Variants in EVL observed in about 807,000 individuals in gnomAD.
EVL encodes ena/VASP-like protein.
In EVL, 21 loss-of-function variants were observed where a neutral mutation model predicts 59.6. The observed-to-expected ratio is 0.35, with a 90% confidence interval of 0.25 to 0.51. The LOEUF is 0.51. Ranked by LOEUF, EVL falls within the 20% of genes least tolerant of loss-of-function variation. EVL has a pLI of 0.97. For synonymous variants in EVL, 198 were observed against 203.5 expected, an observed-to-expected ratio of 0.97 and a Z score of 0.23; for missense variants, 462 against 546.6, an observed-to-expected ratio of 0.85 and a Z score of 1.54.
intron 3 of EVL, chr14:100,102,538 A>G (rs1288599607): frequency 1.6e-5 from 6 of 365,244 alleles, no homozygotes; most frequent in Non-Finnish European, 2.7e-5. Flanking sequence ...TTCTAGAGCC[A>G]TGTTGGTGGG....
intron 1 of EVL, among the ~76,000 whole-genome samples, chr14:99,985,822 T>C (rs1051620442): frequency 6.6e-6 from 1 of 152,010 alleles, no homozygotes; most frequent in Admixed American, 6.5e-5. Flanking sequence ...TACTAATTAG[T>C]GGCCCTTCTG....
chr14:100,009,764 T>G (rs2061004812), intron 1 of EVL, among the ~76,000 whole-genome samples: 1 of 152,148 alleles, frequency 6.6e-6, no homozygotes, highest in Non-Finnish European at 1.5e-5. Context: ...ACAGCTTAGT[T>G]TTATATATTT....
At chr14:100,086,115 C>T (rs867645917) in intron 2 of EVL, among the ~76,000 whole-genome samples, 3 of 152,112 alleles carry the variant, frequency 2.0e-5, no homozygotes, top group South Asian at 4.2e-4. Flanking sequence ...GGCGACGGAG[C>T]GAGACTCCGA....
At chr14:100,027,973 A>G (rs541183926) in intron 1 of EVL, among the ~76,000 whole-genome samples, 5 of 152,052 alleles carry the variant, frequency 3.3e-5, no homozygotes, top group African/African-American at 1.2e-4. Flanking sequence ...CCGCACCCAG[A>G]CTCAATTCCT....
Position 100,128,633 on chromosome 14 carries a change from C to A in EVL, c.602C>A (p.Pro201Gln). ...CCACCTCCACCCACTGGGGCTACCC[C>A]ACCTCCCCCACCCCCACTGCCAGCC... ...PVPPPPTGAT[P>Q]PPPPPLPAGG... The change falls in exon 6 of 14, where the codon CCA becomes CAA. Residue 201 changes from proline (P) to glutamine (Q), a missense_variant. Transcript: ENST00000392920. The A allele has an allele frequency of 2.0e-6, 3 of 1,529,922 alleles. No homozygotes were observed. Among genetic ancestry groups the A allele is most frequent in the East Asian group, 2.4e-5 (1 of 41,546 alleles). The allele number at this position is 1,529,922 out of a possible 1,614,324, so 94.8% of individuals were successfully genotyped here.
intron 3 of EVL, among the ~76,000 whole-genome samples, chr14:100,098,834 C>G (rs1025030611): frequency 6.6e-6 from 1 of 152,130 alleles, no homozygotes; most frequent in Non-Finnish European, 1.5e-5. Context: ...GCCTCAATTT[C>G]CTTACCTATA....
chr14:99,988,398 T>C (rs545061329), intron 1 of EVL, among the ~76,000 whole-genome samples: 1 of 152,286 alleles, frequency 6.6e-6, no homozygotes, highest in African/African-American at 2.4e-5. Flanking sequence ...AAAAAGATAA[T>C]AACAAATGTT....
At chr14:100,104,022 C>T (rs963815510) in intron 3 of EVL, among the ~76,000 whole-genome samples, 4 of 152,174 alleles carry the variant, frequency 2.6e-5, no homozygotes, top group African/African-American at 9.7e-5. Flanking sequence ...TCCCTGTGCC[C>T]CAGTCGCCTG....
chr14:100,070,781 A>C (rs2062033161), intron 1 of EVL, among the ~76,000 whole-genome samples: 1 of 152,220 alleles, frequency 6.6e-6, no homozygotes, highest in Admixed American at 6.5e-5. Flanking sequence ...AGGCCTCTAC[A>C]GTTGTCCCAA....
intron 1 of EVL, among the ~76,000 whole-genome samples, chr14:100,000,648 C>T (rs747129190): frequency 3.3e-5 from 5 of 152,100 alleles, no homozygotes; most frequent in Non-Finnish European, 7.4e-5. Flanking sequence ...CATTCTTTTG[C>T]ATTTCTGATG....
chr14:100,023,974 T>A lies in EVL; in HGVS notation c.5+51917T>A, dbSNP rs551191306. Among the ~76,000 whole-genome samples, 18 of 152,292 alleles carry A rather than the reference T, an allele frequency of 1.2e-4. No individual in the cohort carries two copies. The East Asian group carries it at 3.1e-3, about 26-fold the overall frequency. ...GTTTTAAATGTGACTTTTTCCCCCA[T>A]AATCCGTCAAGCAAGAATGGAGCCC... is the stretch of plus-strand genomic sequence containing the variant. On this transcript the variant is annotated intron_variant, in intron 1 of 13. Transcript: ENST00000402714.
chr14:100,053,017 G>C (rs1197408213), intron 1 of EVL: 2 of 152,162 alleles, frequency 1.3e-5, no homozygotes, highest in African/African-American at 4.8e-5. Flanking sequence ...GCACATGAGA[G>C]CATGCACATG....
chr14:100,031,766 C>A (rs938300034), intron 1 of EVL, among the ~76,000 whole-genome samples: 1 of 152,198 alleles, frequency 6.6e-6, no homozygotes, highest in Non-Finnish European at 1.5e-5. Flanking sequence ...GACTACTCTG[C>A]CCCCCATCTT....
At chr14:100,033,958 G>T (rs953635823) in intron 1 of EVL, among the ~76,000 whole-genome samples, 7 of 152,108 alleles carry the variant, frequency 4.6e-5, no homozygotes, top group East Asian at 3.9e-4. Flanking sequence ...GGGCATGGTG[G>T]CTCATGTCTG....
intron 1 of EVL, among the ~76,000 whole-genome samples, chr14:100,014,594 A>G (rs2061037776): frequency 6.6e-6 from 1 of 152,238 alleles, no homozygotes; most frequent in African/African-American, 2.4e-5. Flanking sequence ...AGTAAACATG[A>G]GAGTGCAGAT....
At chr14:100,026,832 G>GT (rs764973444) in intron 1 of EVL, among the ~76,000 whole-genome samples, 22 of 152,212 alleles carry the variant, frequency 1.4e-4, no homozygotes, top group Non-Finnish European at 2.4e-4. Flanking sequence ...TTTGAATTAA[G>GT]TAAGTCACAG....
chr14:100,018,619 G>A (rs2061071834), intron 1 of EVL, among the ~76,000 whole-genome samples: 1 of 152,202 alleles, frequency 6.6e-6, no homozygotes, highest in Non-Finnish European at 1.5e-5. Flanking sequence ...GGCTGCGTGA[G>A]CGGGTGAGGG....
chr14:100,107,256 G>A (rs1201437182), intron 3 of EVL: 7 of 398,556 alleles, frequency 1.8e-5, no homozygotes, highest in African/African-American at 1.2e-4. Context: ...GCAGGGCCCT[G>A]GTGGCACTTG....
At chr14:100,036,668 A>G (rs2061393824) in intron 1 of EVL, among the ~76,000 whole-genome samples, 1 of 152,190 alleles carries the variant, frequency 6.6e-6, no homozygotes, top group Non-Finnish European at 1.5e-5. Flanking sequence ...AGCAGACTAA[A>G]ATGTGTATCA....
Sources: allele counts gnomAD v4.1 joint callset (sites outside exome capture counted in the v4.1 genomes callset), GRCh38; gene constraint gnomAD v4.1.1; transcripts MANE v1.5; gene names NCBI Gene and HGNC (gene_info 2026-07-23, HGNC 2026-07-21).